The following TMIE variants were observed in gnomAD, a reference collection of about 807,000 sequenced individuals.
The protein encoded by TMIE is transmembrane inner ear, also known as transmembrane inner ear expressed protein.
Under a neutral mutation model 16.8 loss-of-function variants are expected in TMIE, and 14 were observed. The ratio of observed to expected loss-of-function variants is 0.83; its 90% CI spans 0.55 to 1.30. TMIE has a LOEUF of 1.30. TMIE is among the 50% of genes most tolerant of loss of function. The probability of loss-of-function intolerance (pLI) is 0.00; values close to 1 mark genes in which losing one functional copy is unlikely to be tolerated. For synonymous variants in TMIE, 75 were observed against 87.2 expected (o/e 0.86, Z 0.78); for missense variants, 204 against 205.9 (o/e 0.99, Z 0.06).
At chr3:46,704,881 C>G (rs1700531559) in intron 1 of TMIE, among the ~76,000 whole-genome samples, 1 of 151,274 alleles carries the variant, frequency 6.6e-6, no homozygotes, top group Non-Finnish European at 1.5e-5. Context: ...ACACCCAGGG[C>G]CAGGGTCATG....
intron 2 of TMIE, 42 bp downstream of exon 2, chr3:46,705,949 G>T (rs758986161): frequency 6.3e-7 from 1 of 1,577,660 alleles, no homozygotes; most frequent in South Asian, 1.1e-5. Context: ...ACTGCAGTGG[G>T]AACACAGCAC....
At chr3:46,701,126 T>A (rs1700467509), upstream of TMIE, among the ~76,000 whole-genome samples, 1 of 149,082 alleles carries the variant, frequency 6.7e-6, no homozygotes, top group South Asian at 2.2e-4. This position sits in a 1 kb window ranked among gnomAD's most constrained non-coding sequence, Gnocchi z 4.3. Context: ...TCCCACCCCC[T>A]TGTCCCAGAT....
intron 1 of TMIE, among the ~76,000 whole-genome samples, chr3:46,703,663 G>A (rs1700505933): frequency 6.6e-6 from 1 of 152,192 alleles, no homozygotes; most frequent in Admixed American, 6.5e-5. Flanking sequence ...GGAGAAAAGA[G>A]CCTGAGAATC....
At position 46,709,583 on chromosome 3, in the gene TMIE, T is replaced by TG. The variant is rs529593774; in HGVS notation, c.366_367insG (p.Lys123GlufsTer23). 1.9e-6 allele frequency: 3 copies of TG among 1,552,540 alleles called. No homozygotes were observed. The African/African-American group carries it at 4.1e-5, about 21-fold the overall frequency. On this transcript the variant is annotated frameshift_variant, in exon 4 of 4. Coordinates refer to ENST00000643606, the MANE Select transcript of TMIE (RefSeq NM_147196.3). LOFTEE classifies it high-confidence loss of function. ...TCTCTTCCCCCTGCCCCACAGAGGATAAGAAGAAGAAGAAGAAGAAGAAGA... is the reference window on the plus strand; with the variant it reads ...TCTCTTCCCCCTGCCCCACAGAGGATGAAGAAGAAGAAGAAGAAGAAGAAGA...
At chr3:46,709,068 C>T in intron 2 of TMIE, 58 bp from the exon 3 acceptor site, 4 of 1,605,934 alleles carry the variant, frequency 2.5e-6, no homozygotes, top group East Asian at 2.2e-5. Context: ...AAGGCGGATG[C>T]CATTCCTTGG....
chr3:46,704,592 C>T (rs1165492404), intron 1 of TMIE, among the ~76,000 whole-genome samples: 4 of 147,712 alleles, frequency 2.7e-5, no homozygotes, highest in Admixed American at 6.7e-5. Flanking sequence ...AGGATCATGT[C>T]CCTAGACACC....
upstream of TMIE, among the ~76,000 whole-genome samples, chr3:46,700,088 G>A (rs999783732): frequency 6.6e-6 from 1 of 152,222 alleles, no homozygotes; most frequent in Non-Finnish European, 1.5e-5. Flanking sequence ...TTGGAGTGCT[G>A]CAACAAGTGA....
chr3:46,700,817 T>C (rs1258761053), upstream of TMIE, among the ~76,000 whole-genome samples: 2 of 152,150 alleles, frequency 1.3e-5, no homozygotes, highest in Non-Finnish European at 2.9e-5. Context: ...CCTCCAGCCC[T>C]TCCAGGGACA....
intron 2 of TMIE, among the ~76,000 whole-genome samples, chr3:46,707,879 C>T (rs1219730689): frequency 6.6e-6 from 1 of 152,170 alleles, no homozygotes; most frequent in Non-Finnish European, 1.5e-5. Context: ...TGGCCTAAGC[C>T]GGGAGGGTTA....
upstream of TMIE, among the ~76,000 whole-genome samples, chr3:46,697,620 A>G (rs552731079): frequency 6.6e-6 from 1 of 152,264 alleles, no homozygotes; most frequent in Non-Finnish European, 1.5e-5. Flanking sequence ...CAGCAAATTA[A>G]GCCCAAAGAG....
intron 1 of TMIE, among the ~76,000 whole-genome samples, chr3:46,703,468 C>G (rs901337717): frequency 6.6e-6 from 1 of 152,156 alleles, no homozygotes; most frequent in Non-Finnish European, 1.5e-5. Context: ...GGGCAGCTGC[C>G]ACCATCAGGG....
chr3:46,701,719 A>G lies in TMIE; in HGVS notation c.93+139A>G. 4 of 693,916 alleles carry G rather than the reference A, an allele frequency of 5.8e-6. No homozygotes were observed. Among genetic ancestry groups the G allele is most frequent in the Middle Eastern group, 4.5e-4 (1 of 2,220 alleles). 43.0% of individuals were successfully genotyped at this position (693,916 alleles called of 1,614,324 possible). On this transcript the variant is annotated intron_variant, in intron 1 of 3. Coordinates refer to ENST00000643606, the MANE Select transcript of TMIE (RefSeq NM_147196.3). The surrounding 1 kb of genome is among the most constrained non-coding windows in gnomAD (Gnocchi z 4.3). Reference sequence around the variant, plus strand: ...AGAGATCCAGTCTCCCGGGCGATGCAGCCCTGCCCCAAGCCCTGCCAGGCT... The same window carrying G: ...AGAGATCCAGTCTCCCGGGCGATGCGGCCCTGCCCCAAGCCCTGCCAGGCT...
chr3:46,709,857 A>G lies in TMIE; in HGVS notation c.*169A>G, dbSNP rs1029892886. ...GCCCATCAGGGGCAGGAACCAGACAATCTCGTAGGTGTCCTGCCCCCCAGC... is the reference window on the plus strand; with the variant it reads ...GCCCATCAGGGGCAGGAACCAGACAGTCTCGTAGGTGTCCTGCCCCCCAGC... On this transcript the variant is annotated 3_prime_UTR_variant, in exon 4 of 4. Coordinates refer to ENST00000643606, the MANE Select transcript of TMIE (RefSeq NM_147196.3). 21 of 1,369,544 alleles carry G rather than the reference A, an allele frequency of 1.5e-5. No individual in the cohort carries two copies. The highest frequency in any genetic ancestry group is 7.9e-5 in the South Asian group (6 of 75,616). 84.8% of individuals were successfully genotyped at this position (1,369,544 alleles called of 1,614,324 possible).
At chr3:46,705,679 A>C in intron 1 of TMIE, 111 bp from the exon 2 acceptor site, 4 of 892,984 alleles carry the variant, frequency 4.5e-6, no homozygotes, top group Non-Finnish European at 7.4e-6. Flanking sequence ...AGTTGATTCT[A>C]GGAGATTCTG....
chr3:46,694,971 G>A (rs904576915), intron 1 of TMIE, among the ~76,000 whole-genome samples: 4 of 152,194 alleles, frequency 2.6e-5, no homozygotes, highest in African/African-American at 7.2e-5. Flanking sequence ...TCTGGTCCCT[G>A]CCTGCTAGAG....
At position 46,709,132 on chromosome 3, in the gene TMIE, C is replaced by T. The variant is rs770957465; in HGVS notation, c.218C>T (p.Thr73Met). Residue 73 changes from threonine (T) to methionine (M), a missense_variant, in exon 3 of 4, where the codon ACG (threonine) becomes ATG (methionine). Transcript: ENST00000643606. ...TGCTCTGTCCTCCCTACAGTCATCA[C>T]GCTGTGCTGTGTCTTCAACTGTCGT... ...FSLFVLSIII[T>M]LCCVFNCRVP... is the part of the protein sequence containing the mutation. The T allele has an allele frequency of 1.2e-5, 20 of 1,614,070 alleles. No homozygotes were observed. In the East Asian group the frequency reaches 1.3e-4, roughly 11 times the overall value.
intron 2 of TMIE, among the ~76,000 whole-genome samples, chr3:46,708,674 C>T (rs960393594): frequency 2.0e-5 from 3 of 152,238 alleles, no homozygotes; most frequent in Non-Finnish European, 4.4e-5. Flanking sequence ...ACATGCAGAG[C>T]CACGTCCTCT....
chr3:46,696,354 A>G (rs1575466340), intron 1 of TMIE, among the ~76,000 whole-genome samples: 2 of 152,222 alleles, frequency 1.3e-5, no homozygotes. Flanking sequence ...ACAAAGCTGC[A>G]TGCAGAATGC....
At position 46,710,025 on chromosome 3, in the gene TMIE, T is replaced by C. The variant is rs1210773105; in HGVS notation, c.*337T>C. On this transcript the variant is annotated 3_prime_UTR_variant, in exon 4 of 4. Transcript: ENST00000643606. ...CCTTTCTGCCAGGGATGGCAGTGGC[T>C]GTGAAGGAGTAATGGGATATGGGGT... 2 of 405,764 alleles carry C rather than the reference T, an allele frequency of 4.9e-6. No homozygotes were observed. Among genetic ancestry groups the C allele is most frequent in the South Asian group, 2.1e-5 (1 of 47,208 alleles). The allele number at this position is 405,764 out of a possible 1,614,324, so 25.1% of individuals were successfully genotyped here. A position where few individuals can be genotyped will look rare whatever the true frequency, so the allele number is the denominator to read the frequency against.
Sources: allele counts gnomAD v4.1 joint callset (sites outside exome capture counted in the v4.1 genomes callset), GRCh38; gene constraint gnomAD v4.1.1; non-coding constraint Gnocchi (gnomAD v3.1); transcripts MANE v1.5; gene names NCBI Gene and HGNC (gene_info 2026-07-23, HGNC 2026-07-21).